Variants in PLEKHN1 observed in about 807,000 individuals in gnomAD.
PLEKHN1 encodes pleckstrin homology domain containing N1, also known as pleckstrin homology domain-containing family N member 1.
Under a neutral mutation model 72.8 loss-of-function variants are expected in PLEKHN1, and 68 were observed. That is an observed-to-expected ratio of 0.93 (90% confidence interval 0.77 to 1.14). The LOEUF (loss-of-function observed/expected upper bound fraction) is 1.14, where lower values mean the gene tolerates loss of function less well. Among genes scored for constraint, PLEKHN1 ranks in the 50% most tolerant of loss-of-function variants. PLEKHN1 has a pLI of 0.00. For missense variants in PLEKHN1, 1,015 were observed against 840.5 expected, an observed-to-expected ratio of 1.21 and a Z score of -2.57; for synonymous variants, 454 against 371.6, an observed-to-expected ratio of 1.22 and a Z score of -2.55.
chr1:974,683 G>T lies in PLEKHN1; in HGVS notation c.*108G>T, dbSNP rs1212816883. Reference sequence around the variant, plus strand: ...TCAGGGTCTGAACCCAGTGTGATGGGGGGAGTCTCTGGGGCCCTGAGTTCA... The same window carrying T: ...TCAGGGTCTGAACCCAGTGTGATGGTGGGAGTCTCTGGGGCCCTGAGTTCA... On this transcript the variant is annotated 3_prime_UTR_variant, in exon 16 of 16. Transcript: ENST00000379410. The T allele has an allele frequency of 2.2e-6, 3 of 1,391,224 alleles. No homozygotes were observed. The East Asian group carries it at 7.5e-5, about 35-fold the overall frequency. 86.2% of individuals were successfully genotyped at this position (1,391,224 alleles called of 1,614,324 possible).
In PLEKHN1 at chr1:973,889, G is replaced by GGTGCCT. The variant is rs1557653208; in HGVS notation, c.1495_1500dup (p.Pro499_Val500dup). 6.2e-7 allele frequency: 1 copy of GGTGCCT among 1,611,126 alleles called. No homozygotes were observed. Among genetic ancestry groups the GGTGCCT allele is most frequent in the African/African-American group, 1.3e-5 (1 of 74,994 alleles). On this transcript the variant is annotated inframe_insertion, in exon 14 of 16. Transcript: ENST00000379410. The stretch of plus-strand genomic sequence containing the variant: ...CCACGCCCTCGAGCCCACTCCCCTC[G>GGTGCCT]GTGCCTGTGTCTGTGCCTGCCTCTG...
chr1:974,157 C>T lies in PLEKHN1; in HGVS notation c.1653+106C>T, dbSNP rs536083829. The T allele has an allele frequency of 5.5e-4, 810 of 1,478,906 alleles. 5 individuals are homozygous for T. In the East Asian group the frequency reaches 0.011, roughly 21 times the overall value. 91.6% of individuals were successfully genotyped at this position (1,478,906 alleles called of 1,614,324 possible). On this transcript the variant is annotated intron_variant, in intron 14 of 15. Transcript: ENST00000379410. ...GGGAGCAGGGAGGGAAACAGGAGGA[C>T]GGGGGCAGATGGAGGCCAGGGGGGC...
chr1:966,648 A>G, intron 1 of PLEKHN1, 34 bp downstream of exon 1: 2 of 1,595,152 alleles, frequency 1.3e-6, no homozygotes, highest in Non-Finnish European at 8.5e-7. Context: ...ACCTGGGCGC[A>G]GGGCTCCCCC....
Position 970,931 on chromosome 1 carries a change from C to T in PLEKHN1, c.537C>T (p.Asp179=), listed in dbSNP as rs749409992. ...TCTGCCCCAGCCGGGCCGAGCTGGA[C>T]CGCTGGCTTTACCACCTGGAGAAGC... ...LVLCPSRAEL[D]RWLYHLEKQT... Residue 179 remains aspartate, a synonymous_variant, in exon 6 of 16, where the codon GAC becomes GAT. Transcript: ENST00000379410. The surrounding 1 kb of genome is among the most constrained non-coding windows in gnomAD (Gnocchi z 4.2). The T allele has an allele frequency of 6.2e-7, 1 of 1,610,400 alleles. No individual in the cohort carries two copies. Among genetic ancestry groups the T allele is most frequent in the South Asian group, 1.1e-5 (1 of 91,002 alleles).
rs771463162 is a variant in PLEKHN1, at chr1:973,639, A to T, written c.1433A>T (p.Glu478Val). 4.3e-6 allele frequency: 7 copies of T among 1,612,182 alleles called. No homozygotes were observed. The highest frequency in any genetic ancestry group is 3.3e-5 in the Admixed American group (2 of 59,960). ...RRVTDVRGLE[E>V]FLSAMQSARG... ...GTCACAGATGTCCGGGGCCTGGAGGAGGTCAGGCCCCTGCTGGGTGACAGA... is the reference window on the plus strand; with the variant it reads ...GTCACAGATGTCCGGGGCCTGGAGGTGGTCAGGCCCCTGCTGGGTGACAGA... Residue 478 changes from glutamate to valine, a missense_variant and splice_region_variant, in exon 13 of 16, where the codon GAG becomes GTG. Coordinates refer to ENST00000379410, the MANE Select transcript of PLEKHN1 (RefSeq NM_032129.3).
At position 974,042 on chromosome 1, in the gene PLEKHN1, C is replaced by T. The variant is rs766069128; in HGVS notation, c.1644C>T (p.Ala548=). The change falls in exon 14 of 16, where the codon GCC becomes GCT. Residue 548 remains alanine, a synonymous_variant. Coordinates refer to ENST00000379410, the MANE Select transcript of PLEKHN1 (RefSeq NM_032129.3). ...ATGGGGGGCCGCAGCCCCCAGACGC[C>T]CCTCAGCTTGTGAGTAGCAGCCCCC... The part of the protein sequence containing the change: ...AKDGGPQPPD[A]PQLVSSAREG... 11 of 1,584,446 alleles carry T rather than the reference C, an allele frequency of 6.9e-6. No homozygotes were observed. The highest frequency in any genetic ancestry group is 1.1e-5 in the South Asian group (1 of 88,546).
chr1:974,530 G>T lies in PLEKHN1; in HGVS notation c.1791G>T (p.Gln597His). The T allele has an allele frequency of 6.2e-7, 1 of 1,612,580 alleles. No homozygotes were observed. Among genetic ancestry groups the T allele is most frequent in the Non-Finnish European group, 8.5e-7 (1 of 1,179,886 alleles). Residue 597 changes from glutamine to histidine, a missense_variant, in exon 16 of 16, where the codon CAG becomes CAT. Gln to His is a conservative substitution (Grantham distance 24). Transcript: ENST00000379410. ...TLSSSHQKCP[Q>H]LGGPEASGGL... Reference sequence around the variant, plus strand: ...CTTCCTCCCACCAGAAGTGCCCCCAGCTTGGAGGGCCTGAGGCCAGTGGGG... The same window carrying T: ...CTTCCTCCCACCAGAAGTGCCCCCATCTTGGAGGGCCTGAGGCCAGTGGGG...
chr1:972,791 G>C, intron 10 of PLEKHN1, 70 bp from the exon 11 acceptor site: 1 of 1,456,356 alleles, frequency 6.9e-7, no homozygotes. Context: ...GGGACAGCAC[G>C]GTGGGTCCAG....
chr1:970,336 CAAG>C lies in PLEKHN1; in HGVS notation c.247_249del (p.Lys83del). 2 of 1,613,564 alleles carry C rather than the reference CAAG, an allele frequency of 1.2e-6. No homozygotes were observed. The highest frequency in any genetic ancestry group is 1.7e-6 in the Non-Finnish European group (2 of 1,179,940). ...TGGAGCAGCCATTCCTGAGTGTGTT[CAAG>C]AAGGGGCGGCGGAGGGTGCCTGTGA... On this transcript the variant is annotated inframe_deletion, in exon 3 of 16. Coordinates refer to ENST00000379410, the MANE Select transcript of PLEKHN1 (RefSeq NM_032129.3). The surrounding 1 kb of genome is among the most constrained non-coding windows in gnomAD (Gnocchi z 4.2).
chr1:970,405 G>A lies in PLEKHN1; in HGVS notation c.312G>A (p.Leu104=). Residue 104 remains leucine, a synonymous_variant, in exon 3 of 16, where the codon CTG becomes CTA. Coordinates refer to ENST00000379410, the MANE Select transcript of PLEKHN1 (RefSeq NM_032129.3). The surrounding 1 kb of genome is among the most constrained non-coding windows in gnomAD (Gnocchi z 4.2). ...TTGTGCATTACGCCAAGGTCCAGCT[G>A]CGGTTCCAGCACAGCCAGGTGGGGG... ...GKVVHYAKVQ[L]RFQHSQDVSD... 1 of 1,613,210 alleles carries A rather than the reference G, an allele frequency of 6.2e-7. No homozygotes were observed. The highest frequency in any genetic ancestry group is 8.5e-7 in the Non-Finnish European group (1 of 1,179,962).
rs567034360 is a variant in PLEKHN1, at chr1:966,638, A to G, written c.83+24A>G. ...AGGTGAGCGGGGCGTGGGTGCGGCCACCTGGGCGCAGGGCTCCCCCACCCG... is the reference window on the plus strand; with the variant it reads ...AGGTGAGCGGGGCGTGGGTGCGGCCGCCTGGGCGCAGGGCTCCCCCACCCG... On this transcript the variant is annotated intron_variant, in intron 1 of 15. Coordinates refer to ENST00000379410, the MANE Select transcript of PLEKHN1 (RefSeq NM_032129.3). The G allele has an allele frequency of 2.6e-5, 42 of 1,599,362 alleles. No individual in the cohort carries two copies. The South Asian group carries it at 4.6e-4, about 17-fold the overall frequency.
Position 973,943 on chromosome 1 carries a change from T to C in PLEKHN1, c.1545T>C (p.Ala515=). The change falls in exon 14 of 16, where the codon GCT becomes GCC. Residue 515 remains alanine, a synonymous_variant. Coordinates refer to ENST00000379410, the MANE Select transcript of PLEKHN1 (RefSeq NM_032129.3). ...CTCGCTCCTGCTCCTCCGGCCCCGC[T>C]GGCCCCTACTTGCTCTCCAAGAAGG... The part of the protein sequence containing the change: ...SDPRSCSSGP[A]GPYLLSKKGA... 1 of 1,611,024 alleles carries C rather than the reference T, an allele frequency of 6.2e-7. No homozygotes were observed. Among genetic ancestry groups the C allele is most frequent in the Non-Finnish European group, 8.5e-7 (1 of 1,179,818 alleles).
rs780003116 is a variant in PLEKHN1, at chr1:973,623, G to A, written c.1417G>A (p.Val473Ile). 3.3e-5 allele frequency: 53 copies of A among 1,612,848 alleles called. No homozygotes were observed. The highest frequency in any genetic ancestry group is 3.1e-5 in the Non-Finnish European group (37 of 1,179,960). Residue 473 changes from valine to isoleucine, a missense_variant, in exon 13 of 16, where the codon GTC becomes ATC. Physicochemically the swap from Val to Ile is conservative, Grantham distance 29 (BLOSUM62 3). Coordinates refer to ENST00000379410, the MANE Select transcript of PLEKHN1 (RefSeq NM_032129.3). ...CACCTCCCACCGCAGGGTCACAGAT[G>A]TCCGGGGCCTGGAGGAGGTCAGGCC... ...PATSHRRVTD[V>I]RGLEEFLSAM...
chr1:970,980 C>T lies in PLEKHN1; in HGVS notation c.586C>T (p.Arg196Trp), dbSNP rs777805898. ...GCAGACGGCCCTCCTCGGGGGGCCG[C>T]GGCGCTGCCACTCGGCACCCCCACA... ...EKQTALLGGP[R>W]RCHSAPPQRR... Residue 196 changes from arginine to tryptophan, a missense_variant, in exon 6 of 16, where the codon CGG becomes TGG. Physicochemically the swap from Arg to Trp is moderately radical, Grantham distance 101 (BLOSUM62 -3). Transcript: ENST00000379410. The surrounding 1 kb of genome is among the most constrained non-coding windows in gnomAD (Gnocchi z 4.2). 37 of 1,604,916 alleles carry T rather than the reference C, an allele frequency of 2.3e-5. No homozygotes were observed. Among genetic ancestry groups the T allele is most frequent in the Middle Eastern group, 1.7e-4 (1 of 6,004 alleles).
At chr1:968,220 G>T (rs568929693) in intron 2 of PLEKHN1, among the ~76,000 whole-genome samples, 2 of 152,238 alleles carry the variant, frequency 1.3e-5, no homozygotes, top group Non-Finnish European at 2.9e-5. Flanking sequence ...AAAGCCATGC[G>T]TCTGTCTGTT....
chr1:971,470 C>A, intron 8 of PLEKHN1, 66 bp downstream of exon 8: 1 of 1,392,866 alleles, frequency 7.2e-7, no homozygotes, highest in Non-Finnish European at 1.0e-6. Context: ...AGGGGGCAGC[C>A]ATGCAGGAGG....
chr1:974,173 C>A (rs538891283), intron 14 of PLEKHN1, 122 bp downstream of exon 14: 3 of 1,487,518 alleles, frequency 2.0e-6, no homozygotes, highest in African/African-American at 1.4e-5. Context: ...CAGATGGAGG[C>A]CAGGGGGGCC....
rs866101532 is a variant in PLEKHN1, at chr1:975,846, G to A, written c.*1271G>A. On this transcript the variant is annotated 3_prime_UTR_variant, in exon 16 of 16. Coordinates refer to ENST00000379410, the MANE Select transcript of PLEKHN1 (RefSeq NM_032129.3). ...ATTTCAGATAAACAACAACTTCTTA[G>A]TAAAATGACCTCCCCACTATTGCCT... 10 of 313,790 alleles carry A rather than the reference G, an allele frequency of 3.2e-5. No individual in the cohort carries two copies. The Middle Eastern group carries it at 3.6e-3, about 112-fold the overall frequency. 19.4% of individuals were successfully genotyped at this position (313,790 alleles called of 1,614,324 possible). A position where few individuals can be genotyped will look rare whatever the true frequency, so the allele number is the denominator to read the frequency against.
Position 966,493 on chromosome 1 carries a change from G to C in PLEKHN1, c.-39G>C, listed in dbSNP as rs200516430. 6.4e-7 allele frequency: 1 copy of C among 1,560,576 alleles called. No homozygotes were observed. Among genetic ancestry groups the C allele is most frequent in the Admixed American group, 1.8e-5 (1 of 54,710 alleles). ...CGGGAGGCGGGGGCAGGAGGCTGTG[G>C]ACAGGGACCCAGACTTGCCGACCTG... On this transcript the variant is annotated 5_prime_UTR_variant, in exon 1 of 16. Coordinates refer to ENST00000379410, the MANE Select transcript of PLEKHN1 (RefSeq NM_032129.3).
Sources: allele counts gnomAD v4.1 joint callset (sites outside exome capture counted in the v4.1 genomes callset), GRCh38; gene constraint gnomAD v4.1.1; non-coding constraint Gnocchi (gnomAD v3.1); transcripts MANE v1.5; gene names NCBI Gene and HGNC (gene_info 2026-07-23, HGNC 2026-07-21).